Variants in GBE1 observed in about 807,000 individuals in gnomAD.
GBE1 encodes 1,4-alpha-glucan-branching enzyme.
Under a neutral mutation model 88.8 loss-of-function variants are expected in GBE1, and 70 were observed. That is an observed-to-expected ratio of 0.79 (90% confidence interval 0.65 to 0.96). GBE1 has a LOEUF of 0.96. Ranked by LOEUF, GBE1 falls within the 40% of genes least tolerant of loss-of-function variation. GBE1 has a pLI of 0.00. For missense variants in GBE1, 872 were observed against 871.0 expected (o/e 1.00, Z -0.01); for synonymous variants, 284 against 300.1 (o/e 0.95, Z 0.56).
intron 7 of GBE1, among the ~76,000 whole-genome samples, chr3:81,601,709 TCA>T (rs1704034992): frequency 6.6e-6 from 1 of 152,196 alleles, no homozygotes; most frequent in Non-Finnish European, 1.5e-5. Flanking sequence ...CTGTAATATA[TCA>T]ATGTGTTCTA....
intron 14 of GBE1, among the ~76,000 whole-genome samples, chr3:81,516,095 T>C (rs373273832): frequency 4.9e-4 from 74 of 151,804 alleles, no homozygotes; most frequent in African/African-American, 1.7e-3. Flanking sequence ...CACTAAACAA[T>C]GGATTTTCAG....
intron 2 of GBE1, among the ~76,000 whole-genome samples, chr3:81,678,457 TA>T (rs1458454809): frequency 6.6e-6 from 1 of 152,176 alleles, no homozygotes; most frequent in African/African-American, 2.4e-5. Flanking sequence ...TCTTTATTTC[TA>T]AAACAGTATT....
intron 1 of GBE1, among the ~76,000 whole-genome samples, chr3:81,760,726 C>A (rs1188354878): frequency 1.3e-5 from 2 of 152,122 alleles, no homozygotes; most frequent in African/African-American, 4.8e-5. Flanking sequence ...GCTTTCCTGA[C>A]CTTTCTCCCT....
At chr3:81,595,618 G>T (rs1703946255) in intron 7 of GBE1, among the ~76,000 whole-genome samples, 1 of 151,876 alleles carries the variant, frequency 6.6e-6, no homozygotes, top group Admixed American at 6.6e-5. Flanking sequence ...GAATTATATT[G>T]CAATTCAGTG....
At chr3:81,617,336 C>T (rs773439845) in intron 7 of GBE1, among the ~76,000 whole-genome samples, 2 of 151,838 alleles carry the variant, frequency 1.3e-5, no homozygotes, top group Non-Finnish European at 2.9e-5. Flanking sequence ...AGAATTTAGA[C>T]GTTAGCCACT....
At chr3:81,678,909 A>C (rs1046933864) in intron 2 of GBE1, among the ~76,000 whole-genome samples, 17 of 152,196 alleles carry the variant, frequency 1.1e-4, no homozygotes, top group African/African-American at 3.4e-4. Context: ...AATTTTAATA[A>C]GGATGATAAG....
chr3:81,673,980 AC>A (rs1408850546), intron 2 of GBE1, among the ~76,000 whole-genome samples: 6 of 151,924 alleles, frequency 3.9e-5, no homozygotes, highest in Non-Finnish European at 8.8e-5. Flanking sequence ...TGTAGAGCAT[AC>A]TAAAGATTTC....
chr3:81,545,010 AC>A lies in GBE1; in HGVS notation c.1619-7916del, dbSNP rs11333002. On this transcript the variant is annotated intron_variant, in intron 12 of 15. Coordinates refer to ENST00000429644, the MANE Select transcript of GBE1 (RefSeq NM_000158.4). Reference sequence around the variant, plus strand: ...ATAATTTGTTATTGTTCCCCAGTTTACATGTATATAAAAATAATGTATAGTC... The same window carrying A: ...ATAATTTGTTATTGTTCCCCAGTTTAATGTATATAAAAATAATGTATAGTC... Among the ~76,000 whole-genome samples, 1,126 of 152,244 alleles carry A rather than the reference AC, an allele frequency of 7.4e-3. 12 individuals are homozygous for A. The highest frequency in any genetic ancestry group is 0.026 in the African/African-American group (1,092 of 41,544).
At position 81,659,336 on chromosome 3, in the gene GBE1, A is replaced by AT. The variant is rs546553967; in HGVS notation, c.430-9416dup. 8.0e-4 allele frequency among the ~76,000 whole-genome samples: 118 copies of AT among 148,372 alleles called. 2 individuals carry two copies. The East Asian group carries it at 0.015, about 18-fold the overall frequency. ...ATTCCTAAGCAATCATTCTTTTTTT[A>AT]TTTTTTTTTTATTTTTTTTTAGACA... On this transcript the variant is annotated intron_variant, in intron 3 of 15. Transcript: ENST00000429644.
At chr3:81,597,281 C>T (rs951665963) in intron 7 of GBE1, among the ~76,000 whole-genome samples, 3 of 151,622 alleles carry the variant, frequency 2.0e-5, no homozygotes, top group African/African-American at 4.8e-5. Flanking sequence ...TATTTTGGTG[C>T]GTTCCAACAG....
At chr3:81,499,305 G>A in intron 14 of GBE1, 78 bp from the exon 15 acceptor site, 2 of 831,088 alleles carry the variant, frequency 2.4e-6, no homozygotes, top group African/African-American at 1.7e-5. Context: ...GAGCAATTTA[G>A]AAGTGAGTTT....
At chr3:81,691,614 T>TA (rs1377871561) in intron 2 of GBE1, among the ~76,000 whole-genome samples, 1 of 151,718 alleles carries the variant, frequency 6.6e-6, no homozygotes, top group African/African-American at 2.4e-5. Context: ...CTCCTCTCTA[T>TA]AAAAAATAAT....
At chr3:81,529,201 G>C (rs1702984499) in intron 14 of GBE1, among the ~76,000 whole-genome samples, 1 of 151,950 alleles carries the variant, frequency 6.6e-6, no homozygotes, top group Non-Finnish European at 1.5e-5. Flanking sequence ...ACTTAACTAT[G>C]ATTGCAAAAA....
chr3:81,683,891 T>A (rs989128450), intron 2 of GBE1, among the ~76,000 whole-genome samples: 3 of 152,052 alleles, frequency 2.0e-5, no homozygotes, highest in African/African-American at 7.2e-5. Flanking sequence ...ATACTCCCTT[T>A]AAAAAAATAA....
chr3:81,671,069 T>C (rs1156469120), intron 2 of GBE1, 116 bp from the exon 3 acceptor site: 3 of 491,018 alleles, frequency 6.1e-6, no homozygotes, highest in Non-Finnish European at 7.0e-6. Flanking sequence ...TCTAAAATAA[T>C]TGTTTTCTGA....
At chr3:81,667,418 C>G (rs2107108660) in intron 3 of GBE1, among the ~76,000 whole-genome samples, 1 of 152,260 alleles carries the variant, frequency 6.6e-6, no homozygotes, top group Admixed American at 6.5e-5. Flanking sequence ...TCCTCTCTTC[C>G]TTTTTGAATA....
chr3:81,545,399 T>C (rs1703193374), intron 12 of GBE1, among the ~76,000 whole-genome samples: 1 of 152,168 alleles, frequency 6.6e-6, no homozygotes, highest in Admixed American at 6.5e-5. Context: ...TTTTCCTCTA[T>C]AATTATTAAA....
At chr3:81,628,296 T>C (rs552593952) in intron 7 of GBE1, among the ~76,000 whole-genome samples, 1 of 152,076 alleles carries the variant, frequency 6.6e-6, no homozygotes, top group Non-Finnish European at 1.5e-5. Context: ...GCATAGTCTC[T>C]ACAACAAAAA....
rs78548069 is a variant in GBE1, at chr3:81,747,552, A to G, written c.143+13823T>C. Among the ~76,000 whole-genome samples, 769 of 152,278 alleles carry G rather than the reference A, an allele frequency of 5.0e-3. 2 individuals are homozygous for G. Among genetic ancestry groups the G allele is most frequent in the African/African-American group, 0.018 (737 of 41,552 alleles). ...AAAAATCAGCTGAGAGTGGTGGCACATGTCAGGTCTCTGAGCCCAAGCCAA... is the reference window on the plus strand; with the variant it reads ...AAAAATCAGCTGAGAGTGGTGGCACGTGTCAGGTCTCTGAGCCCAAGCCAA... On this transcript the variant is annotated intron_variant, in intron 1 of 15. Coordinates refer to ENST00000429644, the MANE Select transcript of GBE1 (RefSeq NM_000158.4).
Sources: allele counts gnomAD v4.1 joint callset (sites outside exome capture counted in the v4.1 genomes callset), GRCh38; gene constraint gnomAD v4.1.1; transcripts MANE v1.5; gene names NCBI Gene and HGNC (gene_info 2026-07-23, HGNC 2026-07-21).